The following C17orf107 variants were observed in gnomAD, a reference collection of about 807,000 sequenced individuals.
C17orf107 encodes chromosome 17 open reading frame 107, also known as uncharacterized protein C17orf107.
C17orf107 carries 9 observed loss-of-function variants against 8.9 expected under a neutral mutation model. The observed-to-expected ratio is 1.02, with a 90% CI of 0.61 to 1.77. C17orf107 has a LOEUF of 1.77. C17orf107 is among the 40% of genes most tolerant of loss of function. C17orf107 has a pLI of 0.00. For missense variants in C17orf107, 281 were observed against 249.0 expected (o/e 1.13, Z -0.86); for synonymous variants, 139 against 120.3 (o/e 1.16, Z -1.02).
downstream of C17orf107, among the ~76,000 whole-genome samples, chr17:4,904,079 G>A (rs773137021): frequency 1.5e-4 from 23 of 152,234 alleles, 1 homozygote; most frequent in Middle Eastern, 0.01. Context: ...GGATGGTCTC[G>A]ATCTCCTGAC....
chr17:4,902,519 T>C lies in C17orf107; in HGVS notation c.*1986T>C. The C allele has an allele frequency of 1.9e-6, 3 of 1,613,998 alleles. No homozygotes were observed. The highest frequency in any genetic ancestry group is 1.1e-5 in the South Asian group (1 of 91,084). On this transcript the variant is annotated 3_prime_UTR_variant, in exon 3 of 3. Transcript: ENST00000381365. The surrounding 1 kb of genome is among the most constrained non-coding windows in gnomAD (Gnocchi z 4.0). The stretch of plus-strand genomic sequence containing the variant: ...TCTGCAGATGGGAGATGGGGATGAT[T>C]GAAGTGAGATTTCAGGGCCAGAAGT...
downstream of C17orf107, among the ~76,000 whole-genome samples, chr17:4,905,102 T>C (rs1970075011): frequency 6.6e-6 from 1 of 152,124 alleles, no homozygotes; most frequent in Admixed American, 6.6e-5. Flanking sequence ...CAGGGCCGAG[T>C]GCTACGGTTA....
downstream of C17orf107, chr17:4,903,200 G>C: frequency 1.2e-6 from 1 of 867,364 alleles, no homozygotes; most frequent in South Asian, 1.4e-5. Context: ...GCTCACCCCT[G>C]CTGCAGCTGG....
In C17orf107 at chr17:4,900,747, C is replaced by T. The variant is rs1223275181; in HGVS notation, c.*214C>T. ...GGGGTCTCTGGGTTTTGGCCACGCC[C>T]CCACCCTTCACACTGGCCACACCCC... On this transcript the variant is annotated 3_prime_UTR_variant, in exon 3 of 3. Transcript: ENST00000381365. 5.7e-6 allele frequency: 9 copies of T among 1,574,866 alleles called. No homozygotes were observed. The highest frequency in any genetic ancestry group is 1.8e-5 in the Admixed American group (1 of 55,784).
downstream of C17orf107, among the ~76,000 whole-genome samples, chr17:4,905,578 G>A (rs547540166): frequency 2.9e-4 from 43 of 149,564 alleles, no homozygotes; most frequent in African/African-American, 4.2e-4. Context: ...TGAAGTTTCC[G>A]GCTGGATGCG....
rs764491392 is a variant in C17orf107 at position 4,899,622 on chromosome 17, C to G, written c.-141C>G. The G allele has an allele frequency of 4.0e-6, 6 of 1,503,072 alleles. No homozygotes were observed. In the South Asian group the frequency reaches 7.2e-5, roughly 18 times the overall value. The allele number at this position is 1,503,072 out of a possible 1,614,324, so 93.1% of individuals were successfully genotyped here. On this transcript the variant is annotated 5_prime_UTR_variant, in exon 1 of 3. Coordinates refer to ENST00000381365, the MANE Select transcript of C17orf107 (RefSeq NM_001145536.2). ...AGGCATGACATCACCGTTCCTCCTC[C>G]CAGCTACCGAAGGCGCCGCGCGCTG...
Position 4,902,821 on chromosome 17 carries a change from T to TC in C17orf107, c.*2292dup. On this transcript the variant is annotated 3_prime_UTR_variant, in exon 3 of 3. Coordinates refer to ENST00000381365, the MANE Select transcript of C17orf107 (RefSeq NM_001145536.2). The surrounding 1 kb of genome is among the most constrained non-coding windows in gnomAD (Gnocchi z 4.0). Reference sequence around the variant, plus strand: ...CAATGAAGAGGCTGGAGCACCTCTCTCCCCTCTGCCTCCCCTGGGTCCTCA... The same window carrying TC: ...CAATGAAGAGGCTGGAGCACCTCTCTCCCCCTCTGCCTCCCCTGGGTCCTCA... 3 of 1,612,166 alleles carry TC rather than the reference T, an allele frequency of 1.9e-6. No homozygotes were observed. Among genetic ancestry groups the TC allele is most frequent in the African/African-American group, 1.3e-5 (1 of 74,960 alleles).
downstream of C17orf107, among the ~76,000 whole-genome samples, chr17:4,906,245 A>C (rs1970091326): frequency 6.6e-6 from 1 of 152,106 alleles, no homozygotes; most frequent in South Asian, 2.1e-4. Context: ...CTTGTTTAGG[A>C]TGGATAGTGG....
In C17orf107 at chr17:4,901,785, C is replaced by G; in HGVS notation, c.*1252C>G. 3.0e-6 allele frequency: 4 copies of G among 1,319,128 alleles called. No individual in the cohort carries two copies. The highest frequency in any genetic ancestry group is 4.3e-6 in the Non-Finnish European group (4 of 930,472). The allele number at this position is 1,319,128 out of a possible 1,614,324, so 81.7% of individuals were successfully genotyped here. On this transcript the variant is annotated 3_prime_UTR_variant, in exon 3 of 3. Coordinates refer to ENST00000381365, the MANE Select transcript of C17orf107 (RefSeq NM_001145536.2). Reference sequence around the variant, plus strand: ...CTCTGTTCCCATCTGTACCTCCGGCCGCGCTGGAGCGTCCCACCCAGTGCC... The same window carrying G: ...CTCTGTTCCCATCTGTACCTCCGGCGGCGCTGGAGCGTCCCACCCAGTGCC...
Position 4,902,355 on chromosome 17 carries a change from G to A in C17orf107, c.*1822G>A. 2 of 1,613,526 alleles carry A rather than the reference G, an allele frequency of 1.2e-6. No homozygotes were observed. The highest frequency in any genetic ancestry group is 1.7e-6 in the Non-Finnish European group (2 of 1,179,418). On this transcript the variant is annotated 3_prime_UTR_variant, in exon 3 of 3. Coordinates refer to ENST00000381365, the MANE Select transcript of C17orf107 (RefSeq NM_001145536.2). This position sits in a 1 kb window ranked among gnomAD's most constrained non-coding sequence, Gnocchi z 4.0. ...AGGGGTGGGGGATGGAAGGCCGCGTGCCCTGCATCTCCCACCTGGCGCTGC... is the reference window on the plus strand; with the variant it reads ...AGGGGTGGGGGATGGAAGGCCGCGTACCCTGCATCTCCCACCTGGCGCTGC...
rs1970036312 is a variant in C17orf107 at position 4,902,927 on chromosome 17, A to C, written c.*2394A>C. 1.3e-6 allele frequency: 2 copies of C among 1,590,752 alleles called. No homozygotes were observed. Among genetic ancestry groups the C allele is most frequent in the South Asian group, 2.2e-5 (2 of 90,536 alleles). The stretch of plus-strand genomic sequence containing the variant: ...GCCTGGGAACGAAATACTGTGTCTA[A>C]GTCTCCATCTTGGTCTCTGTCTTTG... On this transcript the variant is annotated 3_prime_UTR_variant, in exon 3 of 3. Coordinates refer to ENST00000381365, the MANE Select transcript of C17orf107 (RefSeq NM_001145536.2). This position sits in a 1 kb window ranked among gnomAD's most constrained non-coding sequence, Gnocchi z 4.0.
At chr17:4,902,987 G>C, downstream of C17orf107, 1 of 1,613,798 alleles carries the variant, frequency 6.2e-7, no homozygotes, top group Non-Finnish European at 8.5e-7. The surrounding 1 kb of genome is among the most constrained non-coding windows in gnomAD (Gnocchi z 4.0). Flanking sequence ...ATCTGTGTGT[G>C]TCCAATTGCC....
In C17orf107 at chr17:4,901,685, C is replaced by G; in HGVS notation, c.*1152C>G. The G allele has an allele frequency of 2.6e-6, 4 of 1,525,614 alleles. No individual in the cohort carries two copies. The South Asian group carries it at 3.4e-5, about 13-fold the overall frequency. The allele number at this position is 1,525,614 out of a possible 1,614,324, so 94.5% of individuals were successfully genotyped here. A position where few individuals can be genotyped will look rare whatever the true frequency, so the allele number is the denominator to read the frequency against. On this transcript the variant is annotated 3_prime_UTR_variant, in exon 3 of 3. Transcript: ENST00000381365. ...CTCTGACCTGGGCCCCGGCCTCAGG[C>G]CCAGCCCTGGAAGCTGGGATCTAGC...
downstream of C17orf107, among the ~76,000 whole-genome samples, chr17:4,904,273 T>C (rs1018160772): frequency 2.6e-5 from 4 of 151,802 alleles, no homozygotes; most frequent in East Asian, 7.7e-4. Context: ...CATAGTTCAC[T>C]GCGGCTCTCA....
chr17:4,903,424 G>T (rs1300730173), downstream of C17orf107, among the ~76,000 whole-genome samples: 1 of 152,156 alleles, frequency 6.6e-6, no homozygotes, highest in Non-Finnish European at 1.5e-5. Flanking sequence ...AAGCTGCCCT[G>T]TGTAGGTGAC....
Position 4,900,623 on chromosome 17 carries a change from A to G in C17orf107, c.*90A>G, listed in dbSNP as rs952266614. ...AGACCTCCAGGTGACGTCCAGCAGC[A>G]GTGAGGAGGACGGCGGACCAGGGAC... On this transcript the variant is annotated 3_prime_UTR_variant, in exon 3 of 3. Coordinates refer to ENST00000381365, the MANE Select transcript of C17orf107 (RefSeq NM_001145536.2). 5 of 1,506,056 alleles carry G rather than the reference A, an allele frequency of 3.3e-6. No homozygotes were observed. Among genetic ancestry groups the G allele is most frequent in the Admixed American group, 2.0e-5 (1 of 50,656 alleles). The allele number at this position is 1,506,056 out of a possible 1,614,324, so 93.3% of individuals were successfully genotyped here. A position where few individuals can be genotyped will look rare whatever the true frequency, so the allele number is the denominator to read the frequency against.
chr17:4,902,077 G>C lies in C17orf107; in HGVS notation c.*1544G>C, dbSNP rs773553639. On this transcript the variant is annotated 3_prime_UTR_variant, in exon 3 of 3. Transcript: ENST00000381365. The surrounding 1 kb of genome is among the most constrained non-coding windows in gnomAD (Gnocchi z 4.0). ...TTGGCGTCGTAGGCCACTCCGAACTGGCCATCAATACTGTGGGCTCGGGGA... is the reference window on the plus strand; with the variant it reads ...TTGGCGTCGTAGGCCACTCCGAACTCGCCATCAATACTGTGGGCTCGGGGA... 1 of 1,614,026 alleles carries C rather than the reference G, an allele frequency of 6.2e-7. No homozygotes were observed. The highest frequency in any genetic ancestry group is 8.5e-7 in the Non-Finnish European group (1 of 1,180,012).
chr17:4,899,886 C>T (rs1023519124), intron 1 of C17orf107, 50 bp from the exon 2 acceptor site: 6 of 1,547,874 alleles, frequency 3.9e-6, no homozygotes, highest in African/African-American at 2.7e-5. Context: ...GTCTCCTGTT[C>T]GCCCCTGTGA....
chr17:4,903,944 G>T (rs369156272), downstream of C17orf107, among the ~76,000 whole-genome samples: 32 of 152,082 alleles, frequency 2.1e-4, no homozygotes, highest in Non-Finnish European at 4.0e-4. Context: ...TGCAACCTCC[G>T]CCTCCCGGGT....
Sources: gnomAD v4.1 joint callset for allele counts (sites outside exome capture counted in the v4.1 genomes callset) on GRCh38, gnomAD v4.1.1 for gene constraint, Gnocchi (gnomAD v3.1) non-coding constraint, MANE v1.5 for transcripts, NCBI Gene and HGNC (gene_info 2026-07-23, HGNC 2026-07-21) for gene names.